FGD5: variants seen among roughly 807,000 people sequenced by gnomAD.
The protein encoded by FGD5 is FYVE, RhoGEF and PH domain-containing protein 5.
FGD5 carries 28 observed loss-of-function variants against 133.4 expected under a neutral mutation model. The observed-to-expected ratio is 0.21, with a 90% CI of 0.16 to 0.29. The LOEUF (loss-of-function observed/expected upper bound fraction) is 0.29, where lower values mean the gene tolerates loss of function less well. Among genes scored for constraint, FGD5 ranks in the 10% least tolerant of loss-of-function variants. The probability of loss-of-function intolerance (pLI) is 1.00; values close to 1 mark genes in which losing one functional copy is unlikely to be tolerated. For missense variants in FGD5, 1,858 were observed against 1,895.2 expected (o/e 0.98, Z 0.36); for synonymous variants, 810 against 776.5 (o/e 1.04, Z -0.72).
At chr3:14,907,793 A>T in intron 10 of FGD5, 82 bp downstream of exon 10, 1 of 1,422,666 alleles carries the variant, frequency 7.0e-7, no homozygotes, top group Non-Finnish European at 9.7e-7. Context: ...GGCTGGCCCC[A>T]GACAGGCCTG....
rs564538465 is a variant in FGD5, at chr3:14,843,280, A to G, written c.2526-20848A>G. 1.2e-4 allele frequency among the ~76,000 whole-genome samples: 19 copies of G among 152,312 alleles called. No homozygotes were observed. The South Asian group carries it at 3.9e-3, about 32-fold the overall frequency. ...ACGGAATTGCACTGTGATCCACAGC[A>G]TGAGAGCCCCCTGGGTCTCTGCAGC... On this transcript the variant is annotated intron_variant, in intron 1 of 19. Coordinates refer to ENST00000285046, the MANE Select transcript of FGD5 (RefSeq NM_152536.4).
At chr3:14,897,450 A>G in intron 4 of FGD5, 59 bp from the exon 5 acceptor site, 1 of 1,552,408 alleles carries the variant, frequency 6.4e-7, no homozygotes, top group Non-Finnish European at 8.7e-7. Flanking sequence ...GAAATCTGCC[A>G]AGGAGGACTT....
intron 11 of FGD5, among the ~76,000 whole-genome samples, chr3:14,915,405 TCCTCCATG>T (rs2038533530): frequency 6.6e-6 from 1 of 152,258 alleles, no homozygotes; most frequent in African/African-American, 2.4e-5. Flanking sequence ...CTTTATGTTT[TCCTCCATG>T]CCTGCGTGGC....
chr3:14,907,765 A>C (rs2038368047), intron 10 of FGD5, 54 bp downstream of exon 10: 1 of 1,557,804 alleles, frequency 6.4e-7, no homozygotes, highest in African/African-American at 1.4e-5. Context: ...AGGCTCCGAT[A>C]AGCCCCATTG....
In FGD5 at chr3:14,853,636, C is replaced by CTTTTTTTTTTTT. The variant is rs34008934; in HGVS notation, c.2526-10472_2526-10461dup. ...GAGATTCCCAGGGGGAAAAGCGTTC[C>CTTTTTTTTTTTT]TTTTTTTTTTTTTTTTTTTTTTTTT... is the stretch of plus-strand genomic sequence containing the variant. On this transcript the variant is annotated intron_variant, in intron 1 of 19. Transcript: ENST00000285046. 9.7e-4 allele frequency among the ~76,000 whole-genome samples: 36 copies of CTTTTTTTTTTTT among 37,128 alleles called. 1 individual carries two copies. The highest frequency in any genetic ancestry group is 1.5e-3 in the Admixed American group (3 of 1,970). 24.4% of individuals were successfully genotyped at this position (37,128 alleles called of 152,430 possible).
intron 1 of FGD5, among the ~76,000 whole-genome samples, chr3:14,835,102 C>G (rs1559473609): frequency 6.6e-6 from 1 of 152,202 alleles, no homozygotes; most frequent in Non-Finnish European, 1.5e-5. Flanking sequence ...GGTGCTTTCC[C>G]CTGGCAAGCG....
intron 9 of FGD5, among the ~76,000 whole-genome samples, chr3:14,906,695 A>C (rs1015552733): frequency 6.6e-6 from 1 of 152,188 alleles, no homozygotes; most frequent in Non-Finnish European, 1.5e-5. Context: ...GAATTCATTA[A>C]CATTTTCGCT....
At chr3:14,919,123 G>A (rs2038621771) in intron 13 of FGD5, among the ~76,000 whole-genome samples, 1 of 152,150 alleles carries the variant, frequency 6.6e-6, no homozygotes, top group Non-Finnish European at 1.5e-5. Context: ...TCATGTTTGT[G>A]GAGCTCTTTA....
intron 4 of FGD5, among the ~76,000 whole-genome samples, chr3:14,885,392 G>A (rs1319892625): frequency 1.3e-5 from 2 of 152,112 alleles, no homozygotes; most frequent in African/African-American, 2.4e-5. Flanking sequence ...CAGTGCCAGG[G>A]AGTGATTGCC....
At chr3:14,844,349 A>G (rs2037003638) in intron 1 of FGD5, among the ~76,000 whole-genome samples, 1 of 142,524 alleles carries the variant, frequency 7.0e-6, no homozygotes, top group South Asian at 2.3e-4. Flanking sequence ...TGCATTTGTA[A>G]CAGACTCCCC....
At chr3:14,818,455 T>G (rs565369002), upstream of FGD5, among the ~76,000 whole-genome samples, 96 of 152,192 alleles carry the variant, frequency 6.3e-4, no homozygotes, top group African/African-American at 2.2e-3. Flanking sequence ...CTCAGCAGAG[T>G]CTGTTTTCTC....
At position 14,897,552 on chromosome 3, in the gene FGD5, A is replaced by G. The variant is rs1482979906; in HGVS notation, c.2792A>G (p.His931Arg). 12 of 1,605,908 alleles carry G rather than the reference A, an allele frequency of 7.5e-6. No individual in the cohort carries two copies. Among genetic ancestry groups the G allele is most frequent in the Middle Eastern group, 1.7e-4 (1 of 6,054 alleles). Residue 931 changes from histidine to arginine, a missense_variant, in exon 5 of 20, where the codon CAT (histidine) becomes CGT (arginine). Physicochemically the swap from His to Arg is conservative, Grantham distance 29. Coordinates refer to ENST00000285046, the MANE Select transcript of FGD5 (RefSeq NM_152536.4). ...ATGAGGGCCTTGGATGACATGGACCATGAAGGCAGAGACACATTGGCCCGG... is the reference window on the plus strand; with the variant it reads ...ATGAGGGCCTTGGATGACATGGACCGTGAAGGCAGAGACACATTGGCCCGG... ...AVMRALDDMD[H>R]EGRDTLAREE...
chr3:14,851,506 A>G (rs1575207838), intron 1 of FGD5, among the ~76,000 whole-genome samples: 2 of 152,188 alleles, frequency 1.3e-5, no homozygotes. Flanking sequence ...CAGGCCTGTG[A>G]CCCAACAGTG....
intron 1 of FGD5, among the ~76,000 whole-genome samples, chr3:14,850,466 A>G (rs1575207176): frequency 1.3e-5 from 2 of 152,128 alleles, no homozygotes; most frequent in South Asian, 4.2e-4. Context: ...CTGTGATGCC[A>G]TTTCAGCGTG....
chr3:14,923,004 A>G (rs749911322), intron 15 of FGD5, 42 bp from the exon 16 acceptor site: 2 of 1,613,214 alleles, frequency 1.2e-6, no homozygotes, highest in Non-Finnish European at 1.7e-6. Flanking sequence ...TCTCCTTTGC[A>G]TGCACTGAGA....
At chr3:14,869,897 A>G (rs1243832145) in intron 2 of FGD5, among the ~76,000 whole-genome samples, 1 of 152,192 alleles carries the variant, frequency 6.6e-6, no homozygotes, top group East Asian at 1.9e-4. Context: ...TACTGCTGTG[A>G]ACGTGGGTGC....
intron 9 of FGD5, among the ~76,000 whole-genome samples, chr3:14,906,044 A>G (rs2038333506): frequency 6.6e-6 from 1 of 152,162 alleles, no homozygotes; most frequent in African/African-American, 2.4e-5. Flanking sequence ...AGTGACTGCC[A>G]GGCTTCATGC....
intron 1 of FGD5, among the ~76,000 whole-genome samples, chr3:14,834,954 C>T (rs923539647): frequency 7.9e-5 from 12 of 152,300 alleles, no homozygotes; most frequent in Admixed American, 3.3e-4. Flanking sequence ...TCCTCCCAAC[C>T]GCCGTGCAAG....
chr3:14,824,905 G>C (rs767537116), intron 1 of FGD5, among the ~76,000 whole-genome samples: 3 of 152,228 alleles, frequency 2.0e-5, no homozygotes, highest in Non-Finnish European at 2.9e-5. Flanking sequence ...GGAGCTGGAA[G>C]CCTGATCTCT....
Sources: allele counts gnomAD v4.1 joint callset (sites outside exome capture counted in the v4.1 genomes callset), GRCh38; gene constraint gnomAD v4.1.1; transcripts MANE v1.5; gene names NCBI Gene and HGNC (gene_info 2026-07-23, HGNC 2026-07-21).